The following QTGAL variants were observed in gnomAD, a reference collection of about 807,000 sequenced individuals.
The protein encoded by QTGAL is queuosine-tRNA galactosyltransferase.
the QTGAL span, among the ~76,000 whole-genome samples, chr17:82,993,747 C>A: frequency 6.6e-6 from 1 of 151,640 alleles, no homozygotes; most frequent in African/African-American, 2.4e-5. Context: ...CAAAACAAGT[C>A]TTACAACATT....
chr17:83,039,866 C>T, the QTGAL span, among the ~76,000 whole-genome samples: 4 of 152,230 alleles, frequency 2.6e-5, no homozygotes, highest in African/African-American at 4.8e-5. Context: ...CTGCTCCTGT[C>T]CACTGAGACA....
the QTGAL span, chr17:82,943,624 C>CACAAG: frequency 6.6e-6 from 1 of 152,208 alleles, no homozygotes; most frequent in East Asian, 1.9e-4. Flanking sequence ...TCACCAGGAC[C>CACAAG]ACAAGACCAG....
chr17:83,048,080 G>T, the QTGAL span, among the ~76,000 whole-genome samples: 4 of 151,788 alleles, frequency 2.6e-5, no homozygotes, highest in Non-Finnish European at 5.9e-5. Context: ...CAGCTGGAGT[G>T]CAGTGGCACG....
chr17:83,005,204 C>A, the QTGAL span: 3 of 1,605,524 alleles, frequency 1.9e-6, no homozygotes, highest in Admixed American at 1.7e-5. This position sits in a 1 kb window ranked among gnomAD's most constrained non-coding sequence, Gnocchi z 5.6. Context: ...ACTCTGCAAC[C>A]AATGATCTGT....
chr17:83,019,488 CAA>C, the QTGAL span, among the ~76,000 whole-genome samples: 2 of 152,148 alleles, frequency 1.3e-5, no homozygotes, highest in Non-Finnish European at 2.9e-5. Flanking sequence ...TTAGCAGAGC[CAA>C]AGTCATGGGG....
the QTGAL span, among the ~76,000 whole-genome samples, chr17:83,020,469 C>G: frequency 6.6e-6 from 1 of 152,184 alleles, no homozygotes; most frequent in Non-Finnish European, 1.5e-5. Context: ...AATACTAAAA[C>G]AAAACAAAAT....
chr17:83,013,934 G>A, the QTGAL span, among the ~76,000 whole-genome samples: 1 of 152,124 alleles, frequency 6.6e-6, no homozygotes, highest in African/African-American at 2.4e-5. Flanking sequence ...GGATCCCTGG[G>A]CCATGTGTCC....
the QTGAL span, among the ~76,000 whole-genome samples, chr17:82,969,866 G>C: frequency 2.6e-5 from 4 of 151,972 alleles, no homozygotes; most frequent in Non-Finnish European, 5.9e-5. Flanking sequence ...TTTTTGTTGA[G>C]ATGGGGTTTC....
At chr17:82,960,749 G>T in the QTGAL span, among the ~76,000 whole-genome samples, 1 of 152,242 alleles carries the variant, frequency 6.6e-6, no homozygotes, top group South Asian at 2.1e-4. Context: ...GACTCCCGTC[G>T]GGTTAAAGGG....
chr17:82,969,576 G>T, the QTGAL span, among the ~76,000 whole-genome samples: 1 of 152,220 alleles, frequency 6.6e-6, no homozygotes, highest in Non-Finnish European at 1.5e-5. Flanking sequence ...GGCTGAGGTG[G>T]GAATTCGAGC....
chr17:82,986,394 T>G, the QTGAL span, among the ~76,000 whole-genome samples: 62,592 of 152,138 alleles, frequency 0.41, 13,785 homozygotes, highest in African/African-American at 0.57. Flanking sequence ...GGACAGGCTA[T>G]ACCCACAAGC....
chr17:83,048,466 C>G, the QTGAL span: 2 of 1,599,532 alleles, frequency 1.3e-6, no homozygotes, highest in Non-Finnish European at 1.7e-6. Context: ...AGCATGTTTA[C>G]TTACCGCCTC....
the QTGAL span, among the ~76,000 whole-genome samples, chr17:82,950,975 G>GC: frequency 1.2e-4 from 18 of 152,162 alleles, no homozygotes; most frequent in Non-Finnish European, 2.4e-4. Flanking sequence ...GGCGACCACT[G>GC]CCTTCAACTT....
the QTGAL span, among the ~76,000 whole-genome samples, chr17:82,983,700 C>T: frequency 2.0e-5 from 3 of 152,210 alleles, no homozygotes; most frequent in East Asian, 1.9e-4. Flanking sequence ...CAGCGGCTCC[C>T]GTTATGCAGC....
the QTGAL span, chr17:82,947,122 G>T: frequency 1.9e-5 from 13 of 668,310 alleles, no homozygotes; most frequent in South Asian, 2.4e-4. Context: ...TAGCGGAGAG[G>T]CTGGAAGGAG....
chr17:82,971,579 T>TGCCGACCACACCACAC, the QTGAL span, among the ~76,000 whole-genome samples: 4 of 57,124 alleles, frequency 7.0e-5, 1 homozygote, highest in African/African-American at 5.4e-5. Flanking sequence ...CACACCACAC[T>TGCCGACCACACCACAC]CATAGGGGCC....
At chr17:83,002,167 T>C in the QTGAL span, among the ~76,000 whole-genome samples, 1 of 151,982 alleles carries the variant, frequency 6.6e-6, no homozygotes, top group Non-Finnish European at 1.5e-5. Context: ...TCATTTTAAT[T>C]AAAAAACATG....
chr17:83,026,893 C>A, the QTGAL span, among the ~76,000 whole-genome samples: 25 of 91,916 alleles, frequency 2.7e-4, no homozygotes, highest in Admixed American at 8.3e-4. Flanking sequence ...ACAAACCCAC[C>A]CTCGACAGAC....
chr17:82,982,955 G>A, the QTGAL span, among the ~76,000 whole-genome samples: 1 of 152,076 alleles, frequency 6.6e-6, no homozygotes, highest in African/African-American at 2.4e-5. Flanking sequence ...GAGATGGGGG[G>A]TACATAGGAA....
Sources: allele counts gnomAD v4.1 joint callset (sites outside exome capture counted in the v4.1 genomes callset), GRCh38; gene constraint gnomAD v4.1.1; non-coding constraint Gnocchi (gnomAD v3.1); transcripts MANE v1.5; gene names NCBI Gene and HGNC (gene_info 2026-07-23, HGNC 2026-07-21).